ARFGEF1: variants seen among roughly 807,000 people sequenced by gnomAD.
The protein encoded by ARFGEF1 is ARF guanine nucleotide exchange factor 1, also known as brefeldin A-inhibited guanine nucleotide-exchange protein 1.
In ARFGEF1, 42 loss-of-function variants were observed where a neutral mutation model predicts 231.0. That is an observed-to-expected ratio of 0.18 (90% CI 0.14 to 0.24). The LOEUF (loss-of-function observed/expected upper bound fraction) is 0.24, where lower values mean the gene tolerates loss of function less well. Ranked by LOEUF, ARFGEF1 falls within the 10% of genes least tolerant of loss-of-function variation. The pLI is 1.00. For missense variants in ARFGEF1, 1,345 were observed against 2,192.0 expected (o/e 0.61, Z 7.72); for synonymous variants, 710 against 732.3 (o/e 0.97, Z 0.49).
rs181381793 is a variant in ARFGEF1 at position 67,295,884 on chromosome 8, A to G, written c.639+547T>C. Among the ~76,000 whole-genome samples, 360 of 152,288 alleles carry G rather than the reference A, an allele frequency of 2.4e-3. 2 individuals are homozygous for G. The highest frequency in any genetic ancestry group is 3.9e-3 in the Non-Finnish European group (263 of 68,016). ...TTTTGCAACTTTTCTCTACGTTTAA[A>G]AAGAGTTCAAAATAAGAAGCTTGAT... On this transcript the variant is annotated intron_variant, in intron 5 of 38. Transcript: ENST00000262215.
intron 23 of ARFGEF1, 64 bp from the exon 24 acceptor site, chr8:67,228,328 T>C (rs1839446197): frequency 1.4e-6 from 2 of 1,471,404 alleles, no homozygotes; most frequent in Middle Eastern, 2.0e-4. Context: ...AATTGAAAAG[T>C]ATGTGGCATG....
intron 10 of ARFGEF1, among the ~76,000 whole-genome samples, chr8:67,270,832 C>A (rs1032241679): frequency 6.6e-6 from 1 of 151,188 alleles, no homozygotes; most frequent in African/African-American, 2.4e-5. Context: ...TGAGACCAAC[C>A]TGACCAACAT....
At chr8:67,266,352 A>G (rs1804850914) in intron 13 of ARFGEF1, 145 bp from the exon 14 acceptor site, 1 of 647,138 alleles carries the variant, frequency 1.5e-6, no homozygotes, top group Non-Finnish European at 2.7e-6. Context: ...GTAACATAGT[A>G]AACAACATAC....
At chr8:67,246,831 A>G (rs1297523353) in intron 19 of ARFGEF1, among the ~76,000 whole-genome samples, 1 of 150,276 alleles carries the variant, frequency 6.7e-6, no homozygotes, top group African/African-American at 2.5e-5. Flanking sequence ...GAAATGATAG[A>G]TAAACTTGAC....
intron 5 of ARFGEF1, chr8:67,180,005 C>T: frequency 1.3e-6 from 1 of 742,834 alleles, no homozygotes; most frequent in Non-Finnish European, 2.3e-6. Flanking sequence ...GTACTGTATT[C>T]CTTGTTGTAC....
At chr8:67,301,995 T>C (rs114206169) in intron 2 of ARFGEF1, among the ~76,000 whole-genome samples, 2,463 of 152,132 alleles carry the variant, frequency 0.016, 68 homozygotes, top group African/African-American at 0.057. Context: ...TCACTTGAGT[T>C]CAGGAGTTCG....
chr8:67,274,546 T>C (rs1587189612), intron 9 of ARFGEF1, among the ~76,000 whole-genome samples: 1 of 152,092 alleles, frequency 6.6e-6, no homozygotes. Context: ...ACATTAAAGA[T>C]AGCATCTTTT....
At chr8:67,311,219 C>G (rs1230511100) in intron 1 of ARFGEF1, among the ~76,000 whole-genome samples, 1 of 145,556 alleles carries the variant, frequency 6.9e-6, no homozygotes, top group Non-Finnish European at 1.5e-5. Flanking sequence ...TGGCCAGCCG[C>G]CCCGTCCGGG....
chr8:67,252,640 C>T (rs16933206), intron 18 of ARFGEF1, among the ~76,000 whole-genome samples: 2,466 of 152,274 alleles, frequency 0.016, 68 homozygotes, highest in African/African-American at 0.057. Context: ...TCTTGAGCCA[C>T]TACCCTCATC....
Position 67,291,834 on chromosome 8 carries a change from T to C in ARFGEF1, c.916+13A>G. On this transcript the variant is annotated intron_variant, in intron 6 of 38. Transcript: ENST00000262215. Reference sequence around the variant, plus strand: ...TTAACACACACCCCAAACCCCCTTTTCAAGAAGATTACTTTCAGCTGCAGT... The same window carrying C: ...TTAACACACACCCCAAACCCCCTTTCCAAGAAGATTACTTTCAGCTGCAGT... 1 of 1,610,834 alleles carries C rather than the reference T, an allele frequency of 6.2e-7. No homozygotes were observed. Among genetic ancestry groups the C allele is most frequent in the Non-Finnish European group, 8.5e-7 (1 of 1,177,940 alleles).
At chr8:67,195,658 A>C, downstream of ARFGEF1, 4 of 1,400,622 alleles carry the variant, frequency 2.9e-6, no homozygotes, top group Non-Finnish European at 3.0e-6. Context: ...CTGTACCTTT[A>C]ATATGTCCTA....
chr8:67,182,533 T>A (rs993077170), intron 5 of ARFGEF1, among the ~76,000 whole-genome samples: 2 of 152,234 alleles, frequency 1.3e-5, no homozygotes, highest in Non-Finnish European at 2.9e-5. Flanking sequence ...ATATAGTAAT[T>A]CTATTTTTAA....
In ARFGEF1 at chr8:67,198,339, G is replaced by T. The variant is rs1838180791; in HGVS notation, c.*595C>A. 1 of 984,128 alleles carries T rather than the reference G, an allele frequency of 1.0e-6. No individual in the cohort carries two copies. The highest frequency in any genetic ancestry group is 1.2e-6 in the Non-Finnish European group (1 of 828,432). The allele number at this position is 984,128 out of a possible 1,614,324, so 61.0% of individuals were successfully genotyped here. A position where few individuals can be genotyped will look rare whatever the true frequency, so the allele number is the denominator to read the frequency against. On this transcript the variant is annotated 3_prime_UTR_variant, in exon 39 of 39. Coordinates refer to ENST00000262215, the MANE Select transcript of ARFGEF1 (RefSeq NM_006421.5). Reference sequence around the variant, plus strand: ...TTTAGCAAATGAATAAGAAAATAAAGAAAACAGTGCAGGAAGAACTATATA... The same window carrying T: ...TTTAGCAAATGAATAAGAAAATAAATAAAACAGTGCAGGAAGAACTATATA...
At position 67,238,482 on chromosome 8, in the gene ARFGEF1, G is replaced by A; in HGVS notation, c.3150C>T (p.Cys1050=). ...GCTGTGCCAGCTCCAACTGACTGAT[G>A]CACTTCAGAATCTTAATTACAAAAA... The part of the protein sequence containing the change: ...LGNSWHEILK[C]ISQLELAQLI... The change falls in exon 22 of 39, where the codon TGC becomes TGT. Residue 1050 remains cysteine (C), a synonymous_variant. Transcript: ENST00000262215. The A allele has an allele frequency of 6.3e-7, 1 of 1,593,348 alleles. No individual in the cohort carries two copies. The highest frequency in any genetic ancestry group is 1.4e-5 in the African/African-American group (1 of 73,580).
chr8:67,343,088 A>ACCCCCCCCCCCCCCCCGGGCCCCCC, intron 1 of ARFGEF1, 76 bp downstream of exon 1: 1 of 399,152 alleles, frequency 2.5e-6, no homozygotes, highest in Non-Finnish European at 4.8e-6. Context: ...GCCCCGGGCG[A>ACCCCCCCCCCCCCCCCGGGCCCCCC]CCCCACCCCC....
At chr8:67,213,318 C>G (rs1363596222) in intron 33 of ARFGEF1, among the ~76,000 whole-genome samples, 1 of 152,144 alleles carries the variant, frequency 6.6e-6, no homozygotes, top group African/African-American at 2.4e-5. Flanking sequence ...TTGAAAAGAC[C>G]TGTAGATTAA....
chr8:67,177,692 CCATCCCAAG>C (rs765971102), intron 5 of ARFGEF1: 1 of 1,610,794 alleles, frequency 6.2e-7, no homozygotes, highest in Non-Finnish European at 8.5e-7. Context: ...GACTTAGATG[CCATCCCAAG>C]TGCTAAAGTA....
At chr8:67,225,976 T>C (rs1347976937) in intron 28 of ARFGEF1, 47 bp downstream of exon 28, 4 of 1,491,496 alleles carry the variant, frequency 2.7e-6, no homozygotes, top group South Asian at 1.4e-5. Flanking sequence ...AGATTTCAAA[T>C]TGGAAAGAAT....
rs546127329 is a variant in ARFGEF1, at chr8:67,301,744, GT to G, written c.156-365del. On this transcript the variant is annotated intron_variant, in intron 2 of 38. Coordinates refer to ENST00000262215, the MANE Select transcript of ARFGEF1 (RefSeq NM_006421.5). ...TCTATTTGTCCTTAAGTCAAAGTGA[GT>G]TTTTTTAGTTATTCAATATTGTCCT... Among the ~76,000 whole-genome samples the G allele has an allele frequency of 1.8e-4, 28 of 152,174 alleles. No individual in the cohort carries two copies. The East Asian group carries it at 2.9e-3, about 16-fold the overall frequency.
Sources: allele counts gnomAD v4.1 joint callset (sites outside exome capture counted in the v4.1 genomes callset), GRCh38; gene constraint gnomAD v4.1.1; transcripts MANE v1.5; gene names NCBI Gene and HGNC (gene_info 2026-07-23, HGNC 2026-07-21).